LRP5: variants seen among roughly 807,000 people sequenced by gnomAD.
The protein encoded by LRP5 is low-density lipoprotein receptor-related protein 5.
LRP5 carries 62 observed loss-of-function variants against 154.1 expected under a neutral mutation model. That is an observed-to-expected ratio of 0.40 (90% CI 0.33 to 0.50). The LOEUF is 0.50. Ranked by LOEUF, LRP5 falls within the 20% of genes least tolerant of loss-of-function variation. The pLI is 0.55. For synonymous variants in LRP5, 966 were observed against 1,011.5 expected (o/e 0.96, Z 0.85); for missense variants, 1,915 against 2,336.7 (o/e 0.82, Z 3.72).
chr11:68,408,242 A>AT (rs11299690), intron 9 of LRP5, among the ~76,000 whole-genome samples: 4,638 of 49,614 alleles, frequency 0.093, 1 homozygote, highest in Non-Finnish European at 0.13. Flanking sequence ...CTCCTGGCTG[A>AT]TTTTTTTTTT....
chr11:68,303,902 G>C, the LRP5 span, among the ~76,000 whole-genome samples: 1 of 152,214 alleles, frequency 6.6e-6, no homozygotes, highest in East Asian at 1.9e-4. Flanking sequence ...TATATTTAAA[G>C]GTAAAACAGA....
chr11:68,300,521 T>C, the LRP5 span, among the ~76,000 whole-genome samples: 1 of 149,686 alleles, frequency 6.7e-6, no homozygotes, highest in African/African-American at 2.4e-5. Flanking sequence ...GACTCCAAGC[T>C]TCAGGGGGCC....
chr11:68,347,926 C>A lies in LRP5; in HGVS notation c.171C>A (p.Ile57=). The A allele has an allele frequency of 6.2e-7, 1 of 1,613,788 alleles. No individual in the cohort carries two copies. The highest frequency in any genetic ancestry group is 8.5e-7 in the Non-Finnish European group (1 of 1,180,032). ...GCGGAGTCAAGCTGGAGTCCACCATCGTGGTCAGCGGCCTGGAGGATGCGG... is the reference window on the plus strand; with the variant it reads ...GCGGAGTCAAGCTGGAGTCCACCATAGTGGTCAGCGGCCTGGAGGATGCGG... ...DAGGVKLEST[I]VVSGLEDAAA... is the part of the protein sequence containing the mutation. Residue 57 remains isoleucine, a synonymous_variant, in exon 2 of 23, where the codon ATC becomes ATA. Coordinates refer to ENST00000294304, the MANE Select transcript of LRP5 (RefSeq NM_002335.4).
intron 5 of LRP5, among the ~76,000 whole-genome samples, chr11:68,371,545 C>T (rs2098634007): frequency 6.6e-6 from 1 of 152,246 alleles, no homozygotes; most frequent in Non-Finnish European, 1.5e-5. Flanking sequence ...AGACCACAGT[C>T]CTGTCACCTG....
chr11:68,308,143 C>G (rs947652336), upstream of LRP5, among the ~76,000 whole-genome samples: 5 of 152,220 alleles, frequency 3.3e-5, no homozygotes, highest in African/African-American at 1.2e-4. Context: ...GAGGAATGAG[C>G]CTGGCAGTGG....
intron 7 of LRP5, among the ~76,000 whole-genome samples, chr11:68,400,136 G>C (rs962862991): frequency 2.0e-5 from 3 of 152,160 alleles, no homozygotes; most frequent in Non-Finnish European, 4.4e-5. Context: ...GCTTGCCGAG[G>C]CTACAGCCAG....
intron 16 of LRP5, 73 bp from the exon 17 acceptor site, chr11:68,429,502 C>T: frequency 6.2e-7 from 1 of 1,603,044 alleles, no homozygotes; most frequent in Non-Finnish European, 8.5e-7. Context: ...TCATTTGGCC[C>T]CTACCCTCCA....
At chr11:68,316,645 G>A (rs1174913754) in intron 1 of LRP5, among the ~76,000 whole-genome samples, 2 of 152,332 alleles carry the variant, frequency 1.3e-5, no homozygotes, top group Non-Finnish European at 1.5e-5. Flanking sequence ...CAGTTCATCC[G>A]CTGATTGGAT....
intron 20 of LRP5, 138 bp from the exon 21 acceptor site, chr11:68,439,639 G>A (rs1380826532): frequency 1.8e-5 from 16 of 903,704 alleles, no homozygotes; most frequent in South Asian, 2.9e-5. Context: ...CTCAGGGAGC[G>A]GGGCACATTT....
chr11:68,424,829 T>G (rs922501552), intron 14 of LRP5, among the ~76,000 whole-genome samples: 9 of 152,236 alleles, frequency 5.9e-5, no homozygotes, highest in Non-Finnish European at 1.2e-4. Context: ...ACACTTCAGT[T>G]GGATTTAGGG....
At position 68,427,316 on chromosome 11, in the gene LRP5, A is replaced by G. The variant is rs139816746; in HGVS notation, c.3637+1129A>G. Among the ~76,000 whole-genome samples, 25 of 152,204 alleles carry G rather than the reference A, an allele frequency of 1.6e-4. No homozygotes were observed. The East Asian group carries it at 4.6e-3, about 28-fold the overall frequency. On this transcript the variant is annotated intron_variant, in intron 16 of 22. Coordinates refer to ENST00000294304, the MANE Select transcript of LRP5 (RefSeq NM_002335.4). ...ACAGTCCTTCCTCCCCTCCATGGTA[A>G]CCATCTGAGGATTACTTGAGACCAG...
chr11:68,433,564 G>A lies in LRP5; in HGVS notation c.3764-38G>A, dbSNP rs375765749. ...CGCCATTGCCTGGGTTTTGCTGGGC[G>A]GGGCTGCGTGTGATGTTCTCCTCTG... On this transcript the variant is annotated intron_variant, in intron 17 of 22. Transcript: ENST00000294304. The A allele has an allele frequency of 5.1e-6, 8 of 1,557,692 alleles. No homozygotes were observed. In the East Asian group the frequency reaches 6.7e-5, roughly 13 times the overall value.
rs1271486400 is a variant in LRP5, at chr11:68,443,563, ATATATATATATATATATATATATT to A, written c.4489-2871_4489-2848del. 9.8e-4 allele frequency among the ~76,000 whole-genome samples: 34 copies of A among 34,572 alleles called. 4 individuals carry two copies. Among genetic ancestry groups the A allele is most frequent in the Admixed American group, 1.9e-3 (6 of 3,158 alleles). The allele number at this position is 34,572 out of a possible 152,430, so 22.7% of individuals were successfully genotyped here. On this transcript the variant is annotated intron_variant, in intron 21 of 22. Transcript: ENST00000294304. ...TTATGGCATATATATATATATATAT[ATATATATATATATATATATATATT>A]TTTTTTTTTTTTGGTTATGTTCAGA...
upstream of LRP5, among the ~76,000 whole-genome samples, chr11:68,308,709 T>C (rs2098585519): frequency 6.6e-6 from 1 of 152,024 alleles, no homozygotes; most frequent in African/African-American, 2.4e-5. Context: ...GACCTTGCAG[T>C]AGTGTGCTTT....
At chr11:68,363,699 T>C in intron 3 of LRP5, 48 bp from the exon 4 acceptor site, 1 of 1,468,820 alleles carries the variant, frequency 6.8e-7, no homozygotes, top group Non-Finnish European at 9.5e-7. Flanking sequence ...GCAATGACTG[T>C]CGGGGGACCC....
chr11:68,386,966 T>C lies in LRP5; in HGVS notation c.1412+254T>C, dbSNP rs2098643415. Among the ~76,000 whole-genome samples, 1 of 152,204 alleles carries C rather than the reference T, an allele frequency of 6.6e-6. No individual in the cohort carries two copies. Among genetic ancestry groups the C allele is most frequent in the Admixed American group, 6.5e-5 (1 of 15,282 alleles). ...TGCTGGGTCCATGCGTAGAAAGCCCTGGAGACCTGGAGGGAGCCCTTTGTT... is the reference window on the plus strand; with the variant it reads ...TGCTGGGTCCATGCGTAGAAAGCCCCGGAGACCTGGAGGGAGCCCTTTGTT... On this transcript the variant is annotated intron_variant, in intron 6 of 22. Transcript: ENST00000294304. The surrounding 1 kb of genome is among the most constrained non-coding windows in gnomAD (Gnocchi z 7.9).
At position 68,426,065 on chromosome 11, in the gene LRP5, G is replaced by A. The variant is rs751672886; in HGVS notation, c.3515G>A (p.Arg1172His). The A allele has an allele frequency of 3.1e-6, 5 of 1,613,530 alleles. No individual in the cohort carries two copies. The highest frequency in any genetic ancestry group is 2.2e-5 in the East Asian group (1 of 44,902). ...GGCAAGCATCTCTACTGGATCGACC[G>A]CCAGCAGCAGATGATCGAGCGTGTG... is the stretch of plus-strand genomic sequence containing the variant. ...ILGKHLYWID[R>H]QQQMIERVEK... The change falls in exon 16 of 23, where the codon CGC becomes CAC. Residue 1172 changes from arginine to histidine, a missense_variant. Physicochemically the swap from Arg to His is conservative, Grantham distance 29 (BLOSUM62 0). Around this residue, in one of 3 missense-constraint regions of LRP5, gnomAD observed 1,094 missense variants for 1,210.1 expected, o/e 0.90. Coordinates refer to ENST00000294304, the MANE Select transcript of LRP5 (RefSeq NM_002335.4).
chr11:68,365,740 C>T (rs1342208751), intron 5 of LRP5, 38 bp downstream of exon 5: 4 of 92,722 alleles, frequency 4.3e-5, no homozygotes, highest in African/African-American at 9.4e-5. Flanking sequence ...GCGGGCGGGG[C>T]GGGGCCTGGC....
At chr11:68,408,708 C>A (rs2098657140) in intron 9 of LRP5, among the ~76,000 whole-genome samples, 1 of 152,102 alleles carries the variant, frequency 6.6e-6, no homozygotes, top group Non-Finnish European at 1.5e-5. Flanking sequence ...AAATACTCCA[C>A]TGCACAGATG....
Sources: gnomAD v4.1 joint callset for allele counts (sites outside exome capture counted in the v4.1 genomes callset) on GRCh38, gnomAD v4.1.1 for gene constraint, gnomAD v4.1.1 regional missense constraint, Gnocchi (gnomAD v3.1) non-coding constraint, MANE v1.5 for transcripts, NCBI Gene and HGNC (gene_info 2026-07-23, HGNC 2026-07-21) for gene names.